The following NDUFS4 variants were observed in gnomAD, a reference collection of about 807,000 sequenced individuals.
The protein encoded by NDUFS4 is NADH:ubiquinone oxidoreductase subunit S4, also known as NADH dehydrogenase [ubiquinone] iron-sulfur protein 4, mitochondrial.
NDUFS4 carries 28 observed loss-of-function variants against 24.3 expected under a neutral mutation model. That is an observed-to-expected ratio of 1.15 (90% CI 0.85 to 1.58). The LOEUF (loss-of-function observed/expected upper bound fraction) is 1.58, where lower values mean the gene tolerates loss of function less well. Among genes scored for constraint, NDUFS4 ranks in the 40% most tolerant of loss-of-function variants. NDUFS4 has a pLI of 0.00. For missense variants in NDUFS4, 223 were observed against 207.9 expected (o/e 1.07, Z -0.45); for synonymous variants, 93 against 69.7 (o/e 1.34, Z -1.67).
chr5:53,656,819 G>T (rs1207656752), intron 3 of NDUFS4, among the ~76,000 whole-genome samples: 1 of 152,100 alleles, frequency 6.6e-6, no homozygotes, highest in South Asian at 2.1e-4. Flanking sequence ...AGTCAAGGAG[G>T]CAGAAAGATT....
At chr5:53,570,508 C>T (rs1579819074) in intron 1 of NDUFS4, among the ~76,000 whole-genome samples, 1 of 152,024 alleles carries the variant, frequency 6.6e-6, no homozygotes, top group Admixed American at 6.6e-5. Flanking sequence ...TTTTGTTTCT[C>T]TAGAGTAAAT....
chr5:53,675,831 C>A (rs1454828846), intron 4 of NDUFS4, among the ~76,000 whole-genome samples: 1 of 152,100 alleles, frequency 6.6e-6, no homozygotes, highest in Non-Finnish European at 1.5e-5. Context: ...GAGCAAAAGA[C>A]CAGAGTCAGA....
intron 3 of NDUFS4, among the ~76,000 whole-genome samples, chr5:53,651,383 G>A (rs1752011050): frequency 6.6e-6 from 1 of 151,760 alleles, no homozygotes; most frequent in African/African-American, 2.4e-5. Flanking sequence ...GGTTTTTCAT[G>A]ATCATCTAAT....
intron 4 of NDUFS4, among the ~76,000 whole-genome samples, chr5:53,662,469 G>A (rs903742473): frequency 1.3e-5 from 2 of 151,942 alleles, no homozygotes; most frequent in Non-Finnish European, 2.9e-5. Context: ...TTTTTGTTGT[G>A]TCTCTGCCAG....
intron 1 of NDUFS4, among the ~76,000 whole-genome samples, chr5:53,576,993 C>T (rs775910614): frequency 1.3e-5 from 2 of 152,020 alleles, no homozygotes; most frequent in African/African-American, 2.4e-5. Flanking sequence ...ACTCATTTCT[C>T]GGGGTTTGTG....
intron 3 of NDUFS4, among the ~76,000 whole-genome samples, chr5:53,654,436 A>AT (rs1176678007): frequency 4.6e-5 from 7 of 151,378 alleles, no homozygotes; most frequent in East Asian, 1.9e-4. Flanking sequence ...GCAGAATATA[A>AT]TTTTTTTTTG....
intron 2 of NDUFS4, among the ~76,000 whole-genome samples, chr5:53,624,801 T>C (rs1348326637): frequency 6.6e-6 from 1 of 152,200 alleles, no homozygotes; most frequent in African/African-American, 2.4e-5. Context: ...CAAGTTTGGA[T>C]GGCTTTTATT....
intron 2 of NDUFS4, among the ~76,000 whole-genome samples, chr5:53,639,245 T>C (rs1440757452): frequency 1.3e-5 from 2 of 151,760 alleles, no homozygotes; most frequent in South Asian, 4.1e-4. Flanking sequence ...ATTTTAATAC[T>C]TAGCAATTGT....
At chr5:53,580,438 A>G (rs1388892279) in intron 1 of NDUFS4, among the ~76,000 whole-genome samples, 1 of 152,176 alleles carries the variant, frequency 6.6e-6, no homozygotes, top group East Asian at 1.9e-4. Flanking sequence ...ATTTCCAAAG[A>G]TGATTTTTGC....
intron 1 of NDUFS4, among the ~76,000 whole-genome samples, chr5:53,569,687 C>T (rs1471007772): frequency 6.6e-6 from 1 of 152,062 alleles, no homozygotes; most frequent in Non-Finnish European, 1.5e-5. Flanking sequence ...CAAGTTTAAC[C>T]CCGTATACAC....
intron 1 of NDUFS4, among the ~76,000 whole-genome samples, chr5:53,578,441 C>T (rs994058982): frequency 3.9e-5 from 6 of 152,136 alleles, no homozygotes; most frequent in African/African-American, 1.2e-4. Flanking sequence ...GCCATGCTGT[C>T]AGGCTGTATT....
intron 1 of NDUFS4, among the ~76,000 whole-genome samples, chr5:53,561,688 A>C (rs970998153): frequency 6.6e-6 from 1 of 152,202 alleles, no homozygotes; most frequent in African/African-American, 2.4e-5. Flanking sequence ...AGTGGTTAAA[A>C]GTTGAAAGGA....
At chr5:53,669,484 T>G (rs1170675189) in intron 4 of NDUFS4, among the ~76,000 whole-genome samples, 2 of 152,186 alleles carry the variant, frequency 1.3e-5, no homozygotes, top group African/African-American at 4.8e-5. Flanking sequence ...TCTTCATCCC[T>G]TTTCTTATTC....
At chr5:53,649,715 A>G (rs766199575) in intron 3 of NDUFS4, among the ~76,000 whole-genome samples, 1 of 152,228 alleles carries the variant, frequency 6.6e-6, no homozygotes, top group Non-Finnish European at 1.5e-5. Context: ...CTGCTAGGTC[A>G]AATGGTAGTT....
In NDUFS4 at chr5:53,658,596, A is replaced by G; in HGVS notation, c.396A>G (p.Glu132=). 1.2e-6 allele frequency: 2 copies of G among 1,613,390 alleles called. No homozygotes were observed. Among genetic ancestry groups the G allele is most frequent in the South Asian group, 2.2e-5 (2 of 91,064 alleles). The change falls in exon 4 of 5, where the codon GAA becomes GAG. Residue 132 remains glutamate, a synonymous_variant. Transcript: ENST00000296684. Reference sequence around the variant, plus strand: ...TGGTTCTAACCTTCAGTACTAAAGAAGATGCAGTTTCCTTTGCAGAAAAAA... The same window carrying G: ...TGGTTCTAACCTTCAGTACTAAAGAGGATGCAGTTTCCTTTGCAGAAAAAA... The part of the protein sequence containing the change: ...SNMVLTFSTK[E]DAVSFAEKNG...
chr5:53,587,938 C>T (rs956356529), intron 1 of NDUFS4, among the ~76,000 whole-genome samples: 2 of 152,102 alleles, frequency 1.3e-5, no homozygotes, highest in African/African-American at 4.8e-5. Flanking sequence ...CCAAAAGAGT[C>T]ACATGATTGG....
intron 4 of NDUFS4, among the ~76,000 whole-genome samples, chr5:53,676,783 A>T (rs946851057): frequency 6.6e-6 from 1 of 152,352 alleles, no homozygotes; most frequent in East Asian, 1.9e-4. Flanking sequence ...ACAAATGACC[A>T]CAGAAGCACC....
chr5:53,654,380 T>A (rs1405395568), intron 3 of NDUFS4, among the ~76,000 whole-genome samples: 1 of 152,164 alleles, frequency 6.6e-6, no homozygotes, highest in Non-Finnish European at 1.5e-5. Context: ...ATCTGTGGAA[T>A]TGGCCTGATG....
At chr5:53,650,116 G>A (rs975963772) in intron 3 of NDUFS4, among the ~76,000 whole-genome samples, 1 of 152,124 alleles carries the variant, frequency 6.6e-6, no homozygotes, top group African/African-American at 2.4e-5. Flanking sequence ...TCAATCACAT[G>A]AGATTTTTAC....
Sources: allele counts gnomAD v4.1 joint callset (sites outside exome capture counted in the v4.1 genomes callset), GRCh38; gene constraint gnomAD v4.1.1; transcripts MANE v1.5; gene names NCBI Gene and HGNC (gene_info 2026-07-23, HGNC 2026-07-21).